RABGAP1L: variants seen among roughly 807,000 people sequenced by gnomAD.
The protein encoded by RABGAP1L is rab GTPase-activating protein 1-like.
A neutral mutation model predicts 137.7 loss-of-function variants in RABGAP1L; 63 were observed. That is an observed-to-expected ratio of 0.46 (90% CI 0.37 to 0.56). The LOEUF is 0.56. RABGAP1L is among the 20% of genes least tolerant of loss of function. The pLI is 0.00. For synonymous variants in RABGAP1L, 431 were observed against 433.7 expected (o/e 0.99, Z 0.08); for missense variants, 1,095 against 1,244.0 (o/e 0.88, Z 1.80).
chr1:174,366,229 A>G (rs528500984), intron 11 of RABGAP1L, among the ~76,000 whole-genome samples: 12 of 152,296 alleles, frequency 7.9e-5, no homozygotes, highest in Non-Finnish European at 1.2e-4. Flanking sequence ...TGGACACTAG[A>G]CTCAAGACTA....
intron 11 of RABGAP1L, among the ~76,000 whole-genome samples, chr1:174,305,891 C>G (rs1016352047): frequency 1.3e-4 from 20 of 151,974 alleles, no homozygotes; most frequent in African/African-American, 4.8e-4. Flanking sequence ...TATTAGGTAT[C>G]TCTCCTAATG....
intron 19 of RABGAP1L, among the ~76,000 whole-genome samples, chr1:174,870,009 ACAGTCACATAGC>A (rs1413906107): frequency 6.6e-6 from 1 of 152,208 alleles, no homozygotes; most frequent in Non-Finnish European, 1.5e-5. Flanking sequence ...ACAGACTAAG[ACAGTCACATAGC>A]CAGTGAGTGG....
At chr1:174,346,779 G>T (rs1250574369) in intron 11 of RABGAP1L, among the ~76,000 whole-genome samples, 1 of 150,906 alleles carries the variant, frequency 6.6e-6, no homozygotes, top group Non-Finnish European at 1.5e-5. Context: ...GGTTTGATTT[G>T]TTCTTGCTTT....
chr1:174,410,868 A>G (rs1649844346), intron 13 of RABGAP1L, among the ~76,000 whole-genome samples: 1 of 152,212 alleles, frequency 6.6e-6, no homozygotes, highest in African/African-American at 2.4e-5. Flanking sequence ...CTTCCAATCC[A>G]TGATCGTGGA....
In RABGAP1L at chr1:174,995,110, A is replaced by G. The variant is rs922145957; in HGVS notation, c.*5109A>G. On this transcript the variant is annotated 3_prime_UTR_variant, in exon 26 of 26. Transcript: ENST00000681986. The stretch of plus-strand genomic sequence containing the variant: ...CAATTTATTGTACATTGTCCCAACA[A>G]ATGTTTACTTTTATAATCGTTATGA... 6.6e-6 allele frequency: 1 copy of G among 152,218 alleles called. No individual in the cohort carries two copies. The highest frequency in any genetic ancestry group is 2.4e-5 in the African/African-American group (1 of 41,450). The allele number at this position is 152,218 out of a possible 1,614,324, so 9.4% of individuals were successfully genotyped here. A position where few individuals can be genotyped will look rare whatever the true frequency, so the allele number is the denominator to read the frequency against.
At chr1:174,745,252 A>G (rs1168615813) in intron 17 of RABGAP1L, among the ~76,000 whole-genome samples, 1 of 152,172 alleles carries the variant, frequency 6.6e-6, no homozygotes, top group African/African-American at 2.4e-5. Flanking sequence ...TGCACTTCTT[A>G]TATGGTAGCT....
chr1:174,189,233 CT>C (rs2148329759), intron 1 of RABGAP1L, among the ~76,000 whole-genome samples: 1 of 152,298 alleles, frequency 6.6e-6, no homozygotes, highest in Non-Finnish European at 1.5e-5. Context: ...TCTCAACCTC[CT>C]GACTTTGTGA....
chr1:174,732,201 C>CAA lies in RABGAP1L; in HGVS notation c.2170-20101_2170-20100dup, dbSNP rs35666280. 3.4e-3 allele frequency among the ~76,000 whole-genome samples: 493 copies of CAA among 144,996 alleles called. 4 individuals are homozygous for CAA. Among genetic ancestry groups the CAA allele is most frequent in the African/African-American group, 0.011 (427 of 40,180 alleles). On this transcript the variant is annotated intron_variant, in intron 17 of 25. Transcript: ENST00000681986. ...CGACAGAGTGAGACCCCATCCCCCC[C>CAA]AAAAAAAAAAAACATGGATTGTTAG...
At chr1:174,595,517 G>T (rs1461130847) in intron 13 of RABGAP1L, among the ~76,000 whole-genome samples, 1 of 94,552 alleles carries the variant, frequency 1.1e-5, no homozygotes, top group Non-Finnish European at 2.0e-5. Context: ...TGATGGTGAT[G>T]TACAGATGGG....
At chr1:174,437,923 T>C in intron 13 of RABGAP1L, among the ~76,000 whole-genome samples, 1 of 152,156 alleles carries the variant, frequency 6.6e-6, no homozygotes, top group East Asian at 1.9e-4. Flanking sequence ...TTCAACATTC[T>C]TAAAGAAAAG....
chr1:174,794,367 G>A lies in RABGAP1L; in HGVS notation c.2212-17465G>A, dbSNP rs539363842. Among the ~76,000 whole-genome samples, 13 of 152,146 alleles carry A rather than the reference G, an allele frequency of 8.5e-5. No homozygotes were observed. In the East Asian group the frequency reaches 1.7e-3, roughly 20 times the overall value. ...TTTCTAAACCCTAACCCAGATAAAC[G>A]CAATGTATTTTTACACATTTTCTTT... On this transcript the variant is annotated intron_variant, in intron 18 of 25. Transcript: ENST00000681986.
intron 14 of RABGAP1L, among the ~76,000 whole-genome samples, chr1:174,666,985 CA>C (rs35100174): frequency 0.35 from 41,331 of 119,220 alleles, 5,030 homozygotes; most frequent in Non-Finnish European, 0.38. Context: ...AGTTACAAGG[CA>C]AAAAAAAAAA....
In RABGAP1L at chr1:174,804,552, A is replaced by G. The variant is rs180692050; in HGVS notation, c.2212-7280A>G. On this transcript the variant is annotated intron_variant, in intron 18 of 25. Transcript: ENST00000681986. The stretch of plus-strand genomic sequence containing the variant: ...GGTCTAAAACTCCTGAGCTCAAGCG[A>G]TCTCTCCAGCTTGGCCTTCCAAAGT... Among the ~76,000 whole-genome samples the G allele has an allele frequency of 8.5e-4, 129 of 152,220 alleles. 1 individual carries two copies. The highest frequency in any genetic ancestry group is 3.0e-3 in the African/African-American group (123 of 41,544).
chr1:174,419,002 C>G (rs916773270), intron 13 of RABGAP1L, among the ~76,000 whole-genome samples: 1 of 152,026 alleles, frequency 6.6e-6, no homozygotes, highest in African/African-American at 2.4e-5. Flanking sequence ...TGTGCCACTT[C>G]ACTCCAGCCT....
intron 13 of RABGAP1L, among the ~76,000 whole-genome samples, chr1:174,461,132 C>T (rs1200200038): frequency 6.6e-6 from 1 of 152,076 alleles, no homozygotes; most frequent in Non-Finnish European, 1.5e-5. Context: ...CTAGATATTG[C>T]GTTTGAGAAA....
At chr1:174,189,758 C>T (rs1270269445) in intron 1 of RABGAP1L, among the ~76,000 whole-genome samples, 1 of 152,000 alleles carries the variant, frequency 6.6e-6, no homozygotes, top group Non-Finnish European at 1.5e-5. Flanking sequence ...TGCTTGATCC[C>T]AGGAGTTTGA....
chr1:174,349,050 G>A (rs1412684415), intron 11 of RABGAP1L, among the ~76,000 whole-genome samples: 1 of 150,962 alleles, frequency 6.6e-6, no homozygotes, highest in Admixed American at 6.6e-5. Flanking sequence ...CGGGCGGGGG[G>A]GGGGCTGACC....
chr1:174,768,930 A>T (rs1243013840), intron 18 of RABGAP1L, among the ~76,000 whole-genome samples: 1 of 152,208 alleles, frequency 6.6e-6, no homozygotes, highest in African/African-American at 2.4e-5. Context: ...AAGTGGCAAG[A>T]GTAATTATCT....
intron 14 of RABGAP1L, among the ~76,000 whole-genome samples, chr1:174,660,689 A>G (rs757927129): frequency 8.5e-5 from 13 of 152,162 alleles, no homozygotes; most frequent in Non-Finnish European, 1.8e-4. Flanking sequence ...CACACTTCAG[A>G]GCCCTTGCCC....
Sources: allele counts gnomAD v4.1 joint callset (sites outside exome capture counted in the v4.1 genomes callset), GRCh38; gene constraint gnomAD v4.1.1; transcripts MANE v1.5; gene names NCBI Gene and HGNC (gene_info 2026-07-23, HGNC 2026-07-21).